Variants in NPSR1 observed in about 807,000 individuals in gnomAD.
The protein encoded by NPSR1 is neuropeptide S receptor 1, also known as neuropeptide S receptor.
Under a neutral mutation model 46.9 loss-of-function variants are expected in NPSR1, and 48 were observed. That is an observed-to-expected ratio of 1.02 (90% confidence interval 0.81 to 1.30). The LOEUF (loss-of-function observed/expected upper bound fraction) is 1.30. NPSR1 is among the 50% of genes most tolerant of loss of function. NPSR1 has a pLI of 0.00. For synonymous variants in NPSR1, 176 were observed against 168.1 expected (o/e 1.05, Z -0.36); for missense variants, 450 against 449.5 (o/e 1.00, Z -0.01).
chr7:34,749,883 G>A (rs1785421030), intron 2 of NPSR1, among the ~76,000 whole-genome samples: 1 of 152,104 alleles, frequency 6.6e-6, no homozygotes, highest in African/African-American at 2.4e-5. Context: ...TTTGCCCTTA[G>A]TCTTTTATTT....
intron 1 of NPSR1, among the ~76,000 whole-genome samples, chr7:34,667,345 G>C (rs951292364): frequency 6.6e-6 from 1 of 152,190 alleles, no homozygotes; most frequent in African/African-American, 2.4e-5. Context: ...TGAGAGACAG[G>C]AGAAAGGGGG....
chr7:34,702,638 G>A (rs193254653), intron 2 of NPSR1, among the ~76,000 whole-genome samples: 1 of 152,316 alleles, frequency 6.6e-6, no homozygotes, highest in Non-Finnish European at 1.5e-5. Flanking sequence ...TCCATTGGAT[G>A]ATTGTCCCAT....
At chr7:34,803,692 A>G (rs191880155) in intron 3 of NPSR1, among the ~76,000 whole-genome samples, 1 of 151,868 alleles carries the variant, frequency 6.6e-6, no homozygotes, top group Non-Finnish European at 1.5e-5. Flanking sequence ...CATTGTGTAC[A>G]TGTACCCTAA....
chr7:34,809,495 G>A (rs1314961268), intron 3 of NPSR1, among the ~76,000 whole-genome samples: 3 of 126,906 alleles, frequency 2.4e-5, no homozygotes, highest in African/African-American at 3.1e-5. Flanking sequence ...ACGGAGTCTC[G>A]CTCTGTCGCC....
intron 5 of NPSR1, among the ~76,000 whole-genome samples, chr7:34,828,151 G>A (rs1231813268): frequency 1.3e-5 from 2 of 152,218 alleles, no homozygotes; most frequent in Non-Finnish European, 2.9e-5. Flanking sequence ...GTCAGATAAT[G>A]GCAGGGAATA....
chr7:34,668,661 G>A (rs190799755), intron 1 of NPSR1, among the ~76,000 whole-genome samples: 73 of 152,226 alleles, frequency 4.8e-4, no homozygotes, highest in Admixed American at 2.9e-3. Flanking sequence ...AGGTTAACAG[G>A]GTGACTCCGT....
chr7:34,877,180 C>G (rs145024180), intron 8 of NPSR1, among the ~76,000 whole-genome samples: 9,524 of 151,210 alleles, frequency 0.063, 428 homozygotes, highest in Middle Eastern at 0.17. Context: ...TAGCCACTGA[C>G]CACTGATGAG....
chr7:34,721,307 A>C (rs1783846873), intron 2 of NPSR1, among the ~76,000 whole-genome samples: 1 of 152,222 alleles, frequency 6.6e-6, no homozygotes. Context: ...AATGGAAGAT[A>C]GCAACGAGTG....
intron 7 of NPSR1, among the ~76,000 whole-genome samples, chr7:34,846,864 C>CG (rs1297295914): frequency 3.3e-5 from 5 of 152,168 alleles, no homozygotes; most frequent in Non-Finnish European, 7.3e-5. Context: ...GAGGGTTCTC[C>CG]TCTACATGAA....
intron 1 of NPSR1, among the ~76,000 whole-genome samples, chr7:34,682,710 C>G (rs1792708192): frequency 1.3e-5 from 2 of 152,302 alleles, no homozygotes; most frequent in South Asian, 4.1e-4. Context: ...TGGGAGAATT[C>G]TCTTACAAAA....
rs202192942 is a variant in NPSR1, at chr7:34,697,675, ATTG to A, written c.280+12994_280+12996del. Reference sequence around the variant, plus strand: ...AAAATTTGTATCATTTTATTATTGTATTGTTATTTTATACTTTCTTAATATTTT... The same window carrying A: ...AAAATTTGTATCATTTTATTATTGTATTATTTTATACTTTCTTAATATTTT... On this transcript the variant is annotated intron_variant, in intron 2 of 8. Coordinates refer to ENST00000360581, the MANE Select transcript of NPSR1 (RefSeq NM_207172.2). Among the ~76,000 whole-genome samples the A allele has an allele frequency of 7.1e-3, 1,077 of 151,984 alleles. 13 individuals are homozygous for A. Among genetic ancestry groups the A allele is most frequent in the African/African-American group, 0.025 (1,033 of 41,532 alleles).
intron 1 of NPSR1, among the ~76,000 whole-genome samples, chr7:34,680,471 G>A (rs1792570618): frequency 6.6e-6 from 1 of 152,150 alleles, no homozygotes; most frequent in Admixed American, 6.5e-5. Flanking sequence ...AACCACTAAA[G>A]AGAGCATCAT....
At chr7:34,736,237 C>T (rs1310817820) in intron 2 of NPSR1, among the ~76,000 whole-genome samples, 1 of 152,160 alleles carries the variant, frequency 6.6e-6, no homozygotes, top group Non-Finnish European at 1.5e-5. Flanking sequence ...TCTCTGCCCT[C>T]CCCGTCTCCT....
intron 2 of NPSR1, chr7:34,752,011 C>G (rs1785562711): frequency 6.4e-6 from 5 of 777,870 alleles, no homozygotes; most frequent in South Asian, 5.7e-5. Flanking sequence ...GCATGGCACA[C>G]CTGCTGGGCC....
Position 34,716,501 on chromosome 7 carries a change from G to GC in NPSR1, c.280+31818dup, listed in dbSNP as rs556586189. ...TATTGGGAGATCTTGCAAGTTAATT[G>GC]CTTGACTTCTTTCTGCTTCAATTAT... On this transcript the variant is annotated intron_variant, in intron 2 of 8. Transcript: ENST00000360581. Among the ~76,000 whole-genome samples the GC allele has an allele frequency of 5.9e-3, 903 of 152,232 alleles. 3 individuals carry two copies. The highest frequency in any genetic ancestry group is 9.2e-3 in the Non-Finnish European group (623 of 68,016).
intron 2 of NPSR1, among the ~76,000 whole-genome samples, chr7:34,773,079 C>T (rs967757128): frequency 6.6e-6 from 1 of 152,100 alleles, no homozygotes; most frequent in South Asian, 2.1e-4. Flanking sequence ...GTGCAAAGCC[C>T]GTTAGTGGGT....
chr7:34,863,055 C>T (rs780359894), intron 8 of NPSR1, among the ~76,000 whole-genome samples: 5 of 151,746 alleles, frequency 3.3e-5, no homozygotes, highest in Admixed American at 6.6e-5. Context: ...TGGAACAGAA[C>T]AGAGGCCTCA....
chr7:34,756,333 C>T (rs535385396), intron 2 of NPSR1, among the ~76,000 whole-genome samples: 2 of 152,188 alleles, frequency 1.3e-5, no homozygotes, highest in East Asian at 1.9e-4. Context: ...ATTTATGCAA[C>T]CTACATGGCA....
chr7:34,779,430 T>C lies in NPSR1; in HGVS notation c.384+865T>C, dbSNP rs142321458. On this transcript the variant is annotated intron_variant, in intron 3 of 8. Coordinates refer to ENST00000360581, the MANE Select transcript of NPSR1 (RefSeq NM_207172.2). ...TAGCTTTATGTATATATAATGCATT[T>C]CTAGAAAGCTTTATCCTGCTAGATT... 2.0e-3 allele frequency: 667 copies of C among 339,988 alleles called. 7 individuals carry two copies. The highest frequency in any genetic ancestry group is 0.012 in the East Asian group (254 of 21,250). 21.1% of individuals were successfully genotyped at this position (339,988 alleles called of 1,614,324 possible).
Sources: gnomAD v4.1 joint callset for allele counts (sites outside exome capture counted in the v4.1 genomes callset) on GRCh38, gnomAD v4.1.1 for gene constraint, MANE v1.5 for transcripts, NCBI Gene and HGNC (gene_info 2026-07-23, HGNC 2026-07-21) for gene names.